The following DLGAP1 variants were observed in gnomAD, a reference collection of about 807,000 sequenced individuals.
The protein encoded by DLGAP1 is DLG associated protein 1.
In DLGAP1, 11 loss-of-function variants were observed where a neutral mutation model predicts 90.8. That is an observed-to-expected ratio of 0.12 (90% CI 0.08 to 0.20). The LOEUF is 0.20. DLGAP1 is among the 10% of genes least tolerant of loss of function. DLGAP1 has a pLI of 1.00. For synonymous variants in DLGAP1, 558 were observed against 540.7 expected, an observed-to-expected ratio of 1.03 and a Z score of -0.44; for missense variants, 1,050 against 1,333.8, an observed-to-expected ratio of 0.79 and a Z score of 3.31.
intron 7 of DLGAP1, among the ~76,000 whole-genome samples, chr18:3,700,484 C>T (rs1367171048): frequency 2.0e-5 from 3 of 152,190 alleles, no homozygotes; most frequent in Non-Finnish European, 1.5e-5. Flanking sequence ...TGAGATGGGC[C>T]GTGTACCTCA....
intron 5 of DLGAP1, among the ~76,000 whole-genome samples, chr18:3,806,281 T>G (rs986040730): frequency 1.3e-5 from 2 of 152,196 alleles, no homozygotes; most frequent in African/African-American, 4.8e-5. Flanking sequence ...CAATGCAGAT[T>G]TTTCTCATCA....
intron 1 of DLGAP1, among the ~76,000 whole-genome samples, chr18:4,357,157 C>CTTTTTTTTTTTTTTTTTTTTT (rs554248097): frequency 3.7e-5 from 4 of 108,740 alleles, no homozygotes; most frequent in Non-Finnish European, 7.0e-5. Flanking sequence ...TGTTTTTTTC[C>CTTTTTTTTTTTTTTTTTTTTT]TTTTTTTTTT....
chr18:3,643,194 G>A (rs888209091), intron 7 of DLGAP1, among the ~76,000 whole-genome samples: 1 of 151,832 alleles, frequency 6.6e-6, no homozygotes, highest in Non-Finnish European at 1.5e-5. Context: ...TGTATAATAT[G>A]CCACCTTTTG....
chr18:4,352,101 T>C (rs2081415382), intron 1 of DLGAP1, among the ~76,000 whole-genome samples: 1 of 152,184 alleles, frequency 6.6e-6, no homozygotes, highest in Admixed American at 6.5e-5. Flanking sequence ...CCTGTTTGAA[T>C]CACTCAGAGG....
chr18:3,904,277 G>A (rs972947977), intron 3 of DLGAP1, among the ~76,000 whole-genome samples: 2 of 152,224 alleles, frequency 1.3e-5, no homozygotes, highest in Non-Finnish European at 2.9e-5. Flanking sequence ...CAAGGGCCAA[G>A]CAGTGCAAGA....
At chr18:4,434,915 A>G (rs900417535) in intron 1 of DLGAP1, among the ~76,000 whole-genome samples, 1 of 152,336 alleles carries the variant, frequency 6.6e-6, no homozygotes, top group African/African-American at 2.4e-5. Context: ...ACAAACAAGC[A>G]TAAAACCTCA....
In DLGAP1 at chr18:3,952,358, C is replaced by G. The variant is rs994350103; in HGVS notation, c.-73+52758G>C. ...GGTACTCTGGCTCATTGGGACCAAC[C>G]CTATACTCTTGGGGGGAGGATTCCC... is the stretch of plus-strand genomic sequence containing the variant. On this transcript the variant is annotated intron_variant, in intron 3 of 12. Coordinates refer to ENST00000315677, the MANE Select transcript of DLGAP1 (RefSeq NM_004746.4). 3.3e-5 allele frequency among the ~76,000 whole-genome samples: 5 copies of G among 152,232 alleles called. No individual in the cohort carries two copies. The South Asian group carries it at 8.3e-4, about 25-fold the overall frequency.
At chr18:4,325,231 C>G (rs1189500695) in intron 1 of DLGAP1, among the ~76,000 whole-genome samples, 1 of 152,008 alleles carries the variant, frequency 6.6e-6, no homozygotes, top group African/African-American at 2.4e-5. Context: ...AAGCTGAGAG[C>G]CAAATCAGGA....
chr18:3,740,685 C>A (rs984125149), intron 6 of DLGAP1, among the ~76,000 whole-genome samples: 1 of 152,088 alleles, frequency 6.6e-6, no homozygotes, highest in African/African-American at 2.4e-5. Context: ...TCTATACCAG[C>A]ACCACACCAT....
Position 3,499,435 on chromosome 18 carries a change from A to C in DLGAP1, c.2725-41T>G. 1.3e-6 allele frequency: 2 copies of C among 1,542,704 alleles called. No individual in the cohort carries two copies. The highest frequency in any genetic ancestry group is 1.8e-6 in the Non-Finnish European group (2 of 1,142,604). ...GGTTCAGGACATTACACAGCTTCTC[A>C]GGACAAGCTTGGGAAAAACTGGGAT... On this transcript the variant is annotated intron_variant, in intron 12 of 12. Coordinates refer to ENST00000315677, the MANE Select transcript of DLGAP1 (RefSeq NM_004746.4). The surrounding 1 kb of genome is among the most constrained non-coding windows in gnomAD (Gnocchi z 6.4).
chr18:3,865,548 T>C (rs2070331421), intron 4 of DLGAP1, among the ~76,000 whole-genome samples: 1 of 152,250 alleles, frequency 6.6e-6, no homozygotes. Flanking sequence ...TTTTAAACCA[T>C]AATTATTCAT....
At chr18:3,576,236 GTAGC>G (rs774845758) in intron 8 of DLGAP1, among the ~76,000 whole-genome samples, 117 of 151,868 alleles carry the variant, frequency 7.7e-4, no homozygotes, top group Non-Finnish European at 1.5e-3. Flanking sequence ...GCATGTGAAG[GTAGC>G]TATGGCTCCA....
intron 7 of DLGAP1, among the ~76,000 whole-genome samples, chr18:3,639,385 A>AGAAAAGAAAAGAAAC (rs2058841568): frequency 6.6e-6 from 1 of 151,780 alleles, no homozygotes; most frequent in Non-Finnish European, 1.5e-5. Flanking sequence ...AGAAAAGAAA[A>AGAAAAGAAAAGAAAC]GAAAAGAAAA....
At chr18:3,642,426 G>A (rs955444100) in intron 7 of DLGAP1, among the ~76,000 whole-genome samples, 4 of 152,206 alleles carry the variant, frequency 2.6e-5, no homozygotes, top group African/African-American at 9.7e-5. Context: ...ATATGTAAAT[G>A]TGAGATTTCA....
intron 7 of DLGAP1, among the ~76,000 whole-genome samples, chr18:3,655,059 CT>C (rs1351389973): frequency 2.0e-5 from 3 of 152,144 alleles, no homozygotes; most frequent in Admixed American, 6.6e-5. Flanking sequence ...CTCCAGCCCC[CT>C]GAACGGCCTC....
chr18:3,510,007 G>A (rs547313891), intron 10 of DLGAP1, among the ~76,000 whole-genome samples: 1 of 152,272 alleles, frequency 6.6e-6, no homozygotes, highest in African/African-American at 2.4e-5. Flanking sequence ...CTTGACAGCT[G>A]TCTAGCAGCA....
intron 1 of DLGAP1, among the ~76,000 whole-genome samples, chr18:4,222,119 AGAT>A (rs1443707511): frequency 9.9e-5 from 15 of 152,118 alleles, no homozygotes; most frequent in Admixed American, 9.8e-4. Flanking sequence ...CAGCTTCATC[AGAT>A]GATTTTATTT....
At chr18:4,093,472 G>A (rs892835782) in intron 2 of DLGAP1, among the ~76,000 whole-genome samples, 6 of 152,054 alleles carry the variant, frequency 3.9e-5, no homozygotes, top group African/African-American at 1.2e-4. Flanking sequence ...TTTAAGAAGT[G>A]GATTTTGCGT....
At chr18:3,614,917 A>C (rs555154614) in intron 7 of DLGAP1, among the ~76,000 whole-genome samples, 1 of 151,118 alleles carries the variant, frequency 6.6e-6, no homozygotes, top group Admixed American at 6.6e-5. Flanking sequence ...ATTTATTTTT[A>C]TTTTATTTAT....
Sources: gnomAD v4.1 joint callset for allele counts (sites outside exome capture counted in the v4.1 genomes callset) on GRCh38, gnomAD v4.1.1 for gene constraint, Gnocchi (gnomAD v3.1) non-coding constraint, MANE v1.5 for transcripts, NCBI Gene and HGNC (gene_info 2026-07-23, HGNC 2026-07-21) for gene names.